Variants in SETBP1 observed in about 807,000 individuals in gnomAD.
The protein encoded by SETBP1 is SET-binding protein.
SETBP1 carries 9 observed loss-of-function variants against 101.0 expected under a neutral mutation model. The observed-to-expected ratio is 0.09, with a 90% CI of 0.05 to 0.16. The LOEUF (loss-of-function observed/expected upper bound fraction) is 0.16, where lower values mean the gene tolerates loss of function less well. Ranked by LOEUF, SETBP1 falls within the 10% of genes least tolerant of loss-of-function variation. The probability of loss-of-function intolerance (pLI) is 1.00; values close to 1 mark genes in which losing one functional copy is unlikely to be tolerated. For missense variants in SETBP1, 1,858 were observed against 2,033.8 expected, an observed-to-expected ratio of 0.91 and a Z score of 1.66; for synonymous variants, 818 against 788.5, an observed-to-expected ratio of 1.04 and a Z score of -0.63.
Position 45,044,726 on chromosome 18 carries a change from C to T in SETBP1, c.4171+6071C>T, listed in dbSNP as rs535667652. On this transcript the variant is annotated intron_variant, in intron 5 of 5. Coordinates refer to ENST00000649279, the MANE Select transcript of SETBP1 (RefSeq NM_015559.3). ...AACTCCTTTGGGATTTCCACTGCCA[C>T]AGTATTATTTTCAAAAAACTAAAGT... Among the ~76,000 whole-genome samples, 23 of 152,258 alleles carry T rather than the reference C, an allele frequency of 1.5e-4. No homozygotes were observed. The East Asian group carries it at 3.7e-3, about 24-fold the overall frequency.
chr18:44,846,418 C>G (rs2072725819), intron 2 of SETBP1, among the ~76,000 whole-genome samples: 1 of 152,180 alleles, frequency 6.6e-6, no homozygotes, highest in Non-Finnish European at 1.5e-5. Flanking sequence ...ATTTTCCATT[C>G]CCTCTCTCCT....
chr18:44,813,072 C>T (rs1336748099), intron 2 of SETBP1, among the ~76,000 whole-genome samples: 1 of 151,228 alleles, frequency 6.6e-6, no homozygotes, highest in Non-Finnish European at 1.5e-5. Flanking sequence ...AATGAGTCCA[C>T]TTAAAAAAAA....
chr18:45,063,650 CA>C lies in SETBP1; in HGVS notation c.4747del (p.Arg1583GlyfsTer28). 1 of 1,608,426 alleles carries C rather than the reference CA, an allele frequency of 6.2e-7. No individual in the cohort carries two copies. On this transcript the variant is annotated frameshift_variant, in exon 6 of 6. Coordinates refer to ENST00000649279, the MANE Select transcript of SETBP1 (RefSeq NM_015559.3). LOFTEE classifies it high-confidence loss of function. ...PLPQEEEVKA[K>X]RQRKSRGSES... ...TTCCCCAGGAAGAGGAGGTGAAAGC[CA>C]AAAGGCAGAGGAAGTCCCGAGGGAG...
intron 3 of SETBP1, among the ~76,000 whole-genome samples, chr18:44,886,848 A>G (rs551802230): frequency 1.3e-5 from 2 of 151,876 alleles, no homozygotes; most frequent in Non-Finnish European, 2.9e-5. Context: ...ACAGCATTGT[A>G]AAGTCCCAAA....
rs189184005 is a variant in SETBP1, at chr18:44,968,439, G to A, written c.4000+15099G>A. ...AGCTGGATAGTGGGCATGATCTGCTGTACTTCAGTGGTAAATTCATCTATG... is the reference window on the plus strand; with the variant it reads ...AGCTGGATAGTGGGCATGATCTGCTATACTTCAGTGGTAAATTCATCTATG... On this transcript the variant is annotated intron_variant, in intron 4 of 5. Transcript: ENST00000649279. 1.5e-4 allele frequency among the ~76,000 whole-genome samples: 23 copies of A among 152,302 alleles called. No homozygotes were observed. In the East Asian group the frequency reaches 4.2e-3, roughly 28 times the overall value.
At chr18:44,705,740 C>T (rs2069203402) in intron 2 of SETBP1, among the ~76,000 whole-genome samples, 1 of 152,202 alleles carries the variant, frequency 6.6e-6, no homozygotes, top group Admixed American at 6.5e-5. Context: ...ACATGGTCCA[C>T]TGCTTTGGGA....
At chr18:44,980,507 C>T (rs949745849) in intron 4 of SETBP1, among the ~76,000 whole-genome samples, 1 of 152,002 alleles carries the variant, frequency 6.6e-6, no homozygotes, top group Non-Finnish European at 1.5e-5. Context: ...AATCTAGTCT[C>T]TAGAAACTCA....
intron 2 of SETBP1, among the ~76,000 whole-genome samples, chr18:44,793,563 C>G (rs926428477): frequency 6.6e-6 from 1 of 152,172 alleles, no homozygotes; most frequent in Non-Finnish European, 1.5e-5. Context: ...GGTGGGGACC[C>G]CCTGTGTGTT....
chr18:44,986,308 G>A (rs1002159786), intron 4 of SETBP1: 7 of 152,314 alleles, frequency 4.6e-5, no homozygotes, highest in East Asian at 3.9e-4. Flanking sequence ...CCTCTCTAGC[G>A]CACTTATTGT....
chr18:44,858,530 T>C (rs190366480), intron 2 of SETBP1, among the ~76,000 whole-genome samples: 4 of 152,378 alleles, frequency 2.6e-5, no homozygotes, highest in Non-Finnish European at 5.9e-5. Context: ...ATATTTCTGA[T>C]AAAAACTGTT....
chr18:44,876,830 G>T, intron 3 of SETBP1: 1 of 1,431,380 alleles, frequency 7.0e-7, no homozygotes, highest in Non-Finnish European at 9.2e-7. Flanking sequence ...ACTTGCCCAA[G>T]ATTGTAAACT....
intron 3 of SETBP1, 32 bp from the exon 4 acceptor site, chr18:44,949,849 T>C: frequency 1.6e-5 from 24 of 1,517,806 alleles, no homozygotes; most frequent in Non-Finnish European, 2.0e-5. Context: ...TCTCTCTCTG[T>C]CTCTCTCCCT....
chr18:45,016,403 G>A (rs560341750), intron 4 of SETBP1, among the ~76,000 whole-genome samples: 111 of 152,076 alleles, frequency 7.3e-4, no homozygotes, highest in Admixed American at 1.4e-3. Context: ...AAAGTGGTGG[G>A]GGAGAGTGTG....
intron 3 of SETBP1, among the ~76,000 whole-genome samples, chr18:44,899,835 TTAAGTA>T (rs1463236914): frequency 5.3e-5 from 8 of 152,262 alleles, no homozygotes; most frequent in East Asian, 3.9e-4. Context: ...TAAATGCTTT[TTAAGTA>T]TAAGATATTT....
chr18:44,952,034 C>A lies in SETBP1; in HGVS notation c.2694C>A (p.Ser898=), dbSNP rs775625263. The change falls in exon 4 of 6, where the codon TCC becomes TCA. Residue 898 remains serine, a synonymous_variant. Transcript: ENST00000649279. ...GGAGGTACTCTTTTGATTTCTGCTC[C>A]CTGGACAACCCGGAGGCCATTCCGT... is the stretch of plus-strand genomic sequence containing the variant. ...SRRRYSFDFC[S]LDNPEAIPSD... 8.1e-6 allele frequency: 13 copies of A among 1,613,950 alleles called. No homozygotes were observed. The highest frequency in any genetic ancestry group is 1.7e-5 in the Admixed American group (1 of 59,990).
At chr18:44,680,825 G>A (rs2068747794), upstream of SETBP1, 1 of 151,844 alleles carries the variant, frequency 6.6e-6, no homozygotes, top group African/African-American at 2.4e-5. Flanking sequence ...TGGTGGAGTG[G>A]ACTCGGGAGG....
At chr18:44,752,348 T>C (rs772450134) in intron 2 of SETBP1, among the ~76,000 whole-genome samples, 9 of 152,148 alleles carry the variant, frequency 5.9e-5, no homozygotes, top group Admixed American at 1.3e-4. Context: ...AGAACCTAGA[T>C]AGCTGTCTGT....
chr18:45,041,609 C>T (rs1429257076), intron 5 of SETBP1, among the ~76,000 whole-genome samples: 2 of 152,006 alleles, frequency 1.3e-5, no homozygotes, highest in African/African-American at 2.4e-5. Flanking sequence ...TTTAAGCAAT[C>T]GTGTATTGAG....
In SETBP1 at chr18:44,841,262, G is replaced by A. The variant is rs143647506; in HGVS notation, c.487-27968G>A. On this transcript the variant is annotated intron_variant, in intron 2 of 5. Coordinates refer to ENST00000649279, the MANE Select transcript of SETBP1 (RefSeq NM_015559.3). ...ATTCACACACTGGCAAATTCCTCCC[G>A]GTTCTTGGCAGGAGACCTCCAGTTC... Among the ~76,000 whole-genome samples, 914 of 152,212 alleles carry A rather than the reference G, an allele frequency of 6.0e-3. 9 individuals are homozygous for A. The highest frequency in any genetic ancestry group is 0.021 in the African/African-American group (870 of 41,522).
Sources: gnomAD v4.1 joint callset for allele counts (sites outside exome capture counted in the v4.1 genomes callset) on GRCh38, gnomAD v4.1.1 for gene constraint, MANE v1.5 for transcripts, NCBI Gene and HGNC (gene_info 2026-07-23, HGNC 2026-07-21) for gene names.